NAALADL2: variants seen among roughly 807,000 people sequenced by gnomAD.
NAALADL2 encodes the protein N-acetylated alpha-linked acidic dipeptidase like 2, also known as inactive N-acetylated-alpha-linked acidic dipeptidase-like protein 2.
NAALADL2 carries 76 observed loss-of-function variants against 87.2 expected under a neutral mutation model. The observed-to-expected ratio is 0.87, with a 90% confidence interval of 0.72 to 1.05. The LOEUF is 1.05. Among genes scored for constraint, NAALADL2 ranks in the 50% least tolerant of loss-of-function variants. The pLI is 0.00. For synonymous variants in NAALADL2, 354 were observed against 331.0 expected (o/e 1.07, Z -0.75); for missense variants, 1,089 against 945.8 (o/e 1.15, Z -1.99).
At chr3:175,089,596 T>C (rs1719690552) in intron 1 of NAALADL2, among the ~76,000 whole-genome samples, 1 of 152,162 alleles carries the variant, frequency 6.6e-6, no homozygotes, top group Non-Finnish European at 1.5e-5. Context: ...CAGTGAATTG[T>C]GAATTAGCAT....
chr3:174,771,884 A>G (rs1396643102), intron 3 of NAALADL2, among the ~76,000 whole-genome samples: 1 of 152,166 alleles, frequency 6.6e-6, no homozygotes, highest in African/African-American at 2.4e-5. Flanking sequence ...AAAGTGATGG[A>G]GAAATAAGGA....
At chr3:175,157,624 T>C (rs569287105) in intron 2 of NAALADL2, among the ~76,000 whole-genome samples, 29 of 152,216 alleles carry the variant, frequency 1.9e-4, no homozygotes, top group African/African-American at 6.7e-4. Flanking sequence ...AGTAATGTCA[T>C]AGGATCAGCC....
At chr3:174,608,908 T>C (rs1719444599) in intron 2 of NAALADL2, among the ~76,000 whole-genome samples, 1 of 151,596 alleles carries the variant, frequency 6.6e-6, no homozygotes, top group African/African-American at 2.4e-5. Context: ...GATGCAAAAA[T>C]CCTCAATAAA....
At chr3:174,555,402 C>T (rs1467196893) in intron 2 of NAALADL2, among the ~76,000 whole-genome samples, 2 of 152,172 alleles carry the variant, frequency 1.3e-5, no homozygotes, top group Non-Finnish European at 2.9e-5. Flanking sequence ...TGGATTCAAG[C>T]GATTCTCCTG....
chr3:174,839,594 A>G (rs1723770422), intron 3 of NAALADL2, among the ~76,000 whole-genome samples: 1 of 152,186 alleles, frequency 6.6e-6, no homozygotes, highest in Admixed American at 6.5e-5. Flanking sequence ...CAATCTATAC[A>G]TCTGACAAAG....
chr3:174,460,912 G>A (rs979565633), intron 1 of NAALADL2, among the ~76,000 whole-genome samples: 1 of 151,876 alleles, frequency 6.6e-6, no homozygotes, highest in Non-Finnish European at 1.5e-5. Context: ...TTAGATGCTG[G>A]CTAATTCCTG....
At chr3:175,120,733 T>C (rs1038897427) in intron 2 of NAALADL2, among the ~76,000 whole-genome samples, 1 of 151,844 alleles carries the variant, frequency 6.6e-6, no homozygotes, top group Non-Finnish European at 1.5e-5. Flanking sequence ...TGTGCTGTAT[T>C]GTTTTATTAT....
At chr3:175,054,689 C>A (rs1711734900) in intron 1 of NAALADL2, among the ~76,000 whole-genome samples, 1 of 152,176 alleles carries the variant, frequency 6.6e-6, no homozygotes, top group African/African-American at 2.4e-5. Flanking sequence ...TGGCCACTAT[C>A]AAAAATGATA....
chr3:175,030,594 C>T (rs1939158456), intron 1 of NAALADL2, among the ~76,000 whole-genome samples: 1 of 151,990 alleles, frequency 6.6e-6, no homozygotes, highest in Non-Finnish European at 1.5e-5. Flanking sequence ...TTAAAACAAC[C>T]TGCTTTTACT....
intron 2 of NAALADL2, among the ~76,000 whole-genome samples, chr3:175,112,812 A>G (rs914199052): frequency 1.3e-5 from 2 of 151,676 alleles, no homozygotes; most frequent in African/African-American, 4.8e-5. Flanking sequence ...ATATAGGCAT[A>G]ATGACATCAG....
Position 174,697,321 on chromosome 3 carries a change from A to G in NAALADL2, c.-114-40320A>G, listed in dbSNP as rs114074814. ...CATGGAGTTTTCAACTTTGTATACAACATAAAAGGCATAATCACTTAAACG... is the reference window on the plus strand; with the variant it reads ...CATGGAGTTTTCAACTTTGTATACAGCATAAAAGGCATAATCACTTAAACG... On this transcript the variant is annotated intron_variant, in intron 2 of 3. Coordinates refer to the NAALADL2 transcript ENST00000434257. Among the ~76,000 whole-genome samples, 800 of 152,322 alleles carry G rather than the reference A, an allele frequency of 5.3e-3. 2 individuals carry two copies. Among genetic ancestry groups the G allele is most frequent in the Non-Finnish European group, 8.0e-3 (547 of 68,030 alleles).
At chr3:175,784,502 T>TA (rs1182492615) in intron 13 of NAALADL2, among the ~76,000 whole-genome samples, 1 of 137,138 alleles carries the variant, frequency 7.3e-6, no homozygotes, top group African/African-American at 3.2e-5. Flanking sequence ...GAGGTGTTTG[T>TA]AGTATTCTCT....
chr3:175,349,944 T>C (rs1763576328), intron 5 of NAALADL2, among the ~76,000 whole-genome samples: 1 of 151,470 alleles, frequency 6.6e-6, no homozygotes, highest in Non-Finnish European at 1.5e-5. Context: ...CAGAAAGACA[T>C]GACTGTCATT....
intron 2 of NAALADL2, among the ~76,000 whole-genome samples, chr3:175,108,687 T>C (rs559007514): frequency 5.9e-5 from 9 of 152,126 alleles, no homozygotes; most frequent in African/African-American, 2.2e-4. Context: ...CTGATAATTT[T>C]TGTAACTTGA....
chr3:174,487,458 AGAG>A (rs1275803578), intron 1 of NAALADL2, among the ~76,000 whole-genome samples: 2 of 152,068 alleles, frequency 1.3e-5, no homozygotes, highest in African/African-American at 2.4e-5. Flanking sequence ...GAAGTCTAGA[AGAG>A]GAGATTAGTT....
chr3:175,029,647 A>G (rs1170983214), intron 1 of NAALADL2, among the ~76,000 whole-genome samples: 3 of 152,106 alleles, frequency 2.0e-5, no homozygotes, highest in Non-Finnish European at 2.9e-5. Context: ...GTACTTTAAT[A>G]TGATTATATT....
At chr3:175,160,467 C>T (rs2108838124) in intron 2 of NAALADL2, among the ~76,000 whole-genome samples, 1 of 139,824 alleles carries the variant, frequency 7.2e-6, no homozygotes, top group African/African-American at 2.7e-5. Flanking sequence ...ATTCTCCTGC[C>T]TCAGCCTCCT....
chr3:174,919,445 A>G (rs1330412701), intron 1 of NAALADL2, among the ~76,000 whole-genome samples: 2 of 152,204 alleles, frequency 1.3e-5, no homozygotes, highest in Non-Finnish European at 2.9e-5. Flanking sequence ...TGCCATCTCA[A>G]GAAACCACTG....
chr3:174,939,345 T>G (rs1339221099), intron 1 of NAALADL2, among the ~76,000 whole-genome samples: 4 of 152,068 alleles, frequency 2.6e-5, no homozygotes, highest in Non-Finnish European at 5.9e-5. Context: ...CTGGACTCCC[T>G]ATTTTGTTCC....
Sources: gnomAD v4.1 joint callset for allele counts (sites outside exome capture counted in the v4.1 genomes callset) on GRCh38, gnomAD v4.1.1 for gene constraint, MANE v1.5 for transcripts, NCBI Gene and HGNC (gene_info 2026-07-23, HGNC 2026-07-21) for gene names.